CLUH: variants seen among roughly 807,000 people sequenced by gnomAD.
CLUH encodes the protein clustered mitochondria protein homolog.
A neutral mutation model predicts 139.3 loss-of-function variants in CLUH; 77 were observed. That is an observed-to-expected ratio of 0.55 (90% CI 0.46 to 0.67). The LOEUF is 0.67. Ranked by LOEUF, CLUH falls within the 30% of genes least tolerant of loss-of-function variation. The pLI is 0.00. For synonymous variants in CLUH, 999 were observed against 801.6 expected (o/e 1.25, Z -4.16); for missense variants, 1,876 against 1,875.8 (o/e 1.00, Z 0.00).
chr17:2,694,701 C>T, intron 16 of CLUH, 137 bp from the exon 17 acceptor site: 1 of 1,344,450 alleles, frequency 7.4e-7, no homozygotes, highest in Admixed American at 2.4e-5. Flanking sequence ...TCCCGGCTGC[C>T]CTCACCCTCC....
chr17:2,692,557 G>T lies in CLUH; in HGVS notation c.3438+14C>A. 1 of 1,605,006 alleles carries T rather than the reference G, an allele frequency of 6.2e-7. No individual in the cohort carries two copies. On this transcript the variant is annotated intron_variant, in intron 21 of 25. Coordinates refer to ENST00000651024, the MANE Select transcript of CLUH (RefSeq NM_001366661.1). The stretch of plus-strand genomic sequence containing the variant: ...GGAGCTGGGTCCCTGCCGCCCCCCC[G>T]CCCCAGCACTCACGTCCAGCAGCGC...
chr17:2,690,597 T>C lies in CLUH; in HGVS notation c.4044A>G (p.Gly1348=), dbSNP rs1164177674. 2.0e-6 allele frequency: 3 copies of C among 1,478,740 alleles called. No individual in the cohort carries two copies. The highest frequency in any genetic ancestry group is 2.7e-6 in the Non-Finnish European group (3 of 1,117,456). The allele number at this position is 1,478,740 out of a possible 1,614,324, so 91.6% of individuals were successfully genotyped here. Residue 1348 remains glycine (G), a synonymous_variant, in exon 26 of 26, where the codon GGA becomes GGG. Coordinates refer to ENST00000651024, the MANE Select transcript of CLUH (RefSeq NM_001366661.1). ...AAKDPSPSVQ[G] is the part of the protein sequence containing the mutation. ...GGCTGTCCGTCTGGCTCCCTCTCTA[T>C]CCCTGCACGCTCGGAGAAGGGTCCT...
intron 24 of CLUH, 34 bp downstream of exon 24, chr17:2,691,727 C>A: frequency 6.2e-7 from 1 of 1,602,548 alleles, no homozygotes; most frequent in Non-Finnish European, 8.5e-7. Context: ...CCCGCGCTCG[C>A]CGGGCCGGAG....
chr17:2,691,817 G>T lies in CLUH; in HGVS notation c.3733C>A (p.Arg1245Ser). The change falls in exon 24 of 26, where the codon CGC becomes AGC. Residue 1245 changes from arginine to serine, a missense_variant. Physicochemically the swap from Arg to Ser is moderately radical, Grantham distance 110 (BLOSUM62 -1). Around this residue, in one of 3 missense-constraint regions of CLUH, gnomAD observed 1,454 missense variants for 1,384.4 expected, o/e 1.05. Transcript: ENST00000651024. ...TTGCGGTAGATCTCGTTCATGGTGC[G>T]CTGCAGGGCCACGGCCTGCTGGGTC... ...CLTQQAVALQ[R>S]TMNEIYRNGS... 6.3e-7 allele frequency: 1 copy of T among 1,577,410 alleles called. No homozygotes were observed.
chr17:2,697,967 G>T lies in CLUH; in HGVS notation c.1890C>A (p.Gly630=). ...EELPEECARA[G]FPRAHRHKLC... ...GCTTGTGCCGGTGGGCGCGGGGGAA[G>T]CCGGCGCGGGCGCATTCCTCAGGCA... The change falls in exon 10 of 26, where the codon GGC becomes GGA. Residue 630 remains glycine (G), a synonymous_variant. Coordinates refer to ENST00000651024, the MANE Select transcript of CLUH (RefSeq NM_001366661.1). 1 of 1,573,698 alleles carries T rather than the reference G, an allele frequency of 6.4e-7. No individual in the cohort carries two copies. The highest frequency in any genetic ancestry group is 2.3e-5 in the East Asian group (1 of 43,244).
rs941056798 is a variant in CLUH, at chr17:2,702,820, C to A, written c.475+498G>T. Reference sequence around the variant, plus strand: ...TTTTTTTTAGAATCACGGCTCTGTTCTTTTGTTTTGTTTTTTTTTTTGAGA... The same window carrying A: ...TTTTTTTTAGAATCACGGCTCTGTTATTTTGTTTTGTTTTTTTTTTTGAGA... On this transcript the variant is annotated intron_variant, in intron 3 of 25. Transcript: ENST00000651024. Among the ~76,000 whole-genome samples the A allele has an allele frequency of 1.6e-4, 24 of 151,098 alleles. 1 individual carries two copies. The highest frequency in any genetic ancestry group is 4.2e-4 in the South Asian group (2 of 4,774).
In CLUH at chr17:2,696,149, C is replaced by A. The variant is rs1381600435; in HGVS notation, c.2391+10G>T. Reference sequence around the variant, plus strand: ...ACAAGCCCCACCCAGCCCCGCAGCCCCTCCCTCACCAAGCCAGGGATCTGG... The same window carrying A: ...ACAAGCCCCACCCAGCCCCGCAGCCACTCCCTCACCAAGCCAGGGATCTGG... On this transcript the variant is annotated intron_variant, in intron 13 of 25. Transcript: ENST00000651024. 1.3e-6 allele frequency: 2 copies of A among 1,552,490 alleles called. No homozygotes were observed. The highest frequency in any genetic ancestry group is 3.9e-5 in the Admixed American group (2 of 51,404).
At position 2,701,669 on chromosome 17, in the gene CLUH, G is replaced by C. The variant is rs1219561673; in HGVS notation, c.688C>G (p.Pro230Ala). Residue 230 changes from proline to alanine, a missense_variant, in exon 5 of 26, where the codon CCA becomes GCA. Physicochemically the swap from Pro to Ala is conservative, Grantham distance 27 (BLOSUM62 -1). Transcript: ENST00000651024. ...CACAGTGGCCGCTCCCGGCTCCCTG[G>C]CAGGATGTACTCGGGTGGTGTGCAG... ...IDCTPPEYIL[P>A]GSRERPLCPL... 1.2e-6 allele frequency: 2 copies of C among 1,600,436 alleles called. No individual in the cohort carries two copies. Among genetic ancestry groups the C allele is most frequent in the African/African-American group, 2.7e-5 (2 of 74,696 alleles).
In CLUH at chr17:2,692,429, G is replaced by A. The variant is rs769683584; in HGVS notation, c.3492C>T (p.Arg1164=). The A allele has an allele frequency of 1.2e-5, 19 of 1,600,038 alleles. No individual in the cohort carries two copies. The highest frequency in any genetic ancestry group is 1.6e-5 in the Non-Finnish European group (19 of 1,179,416). The change falls in exon 22 of 26, where the codon CGC becomes CGT. Residue 1164 remains arginine (R), a synonymous_variant. Coordinates refer to ENST00000651024, the MANE Select transcript of CLUH (RefSeq NM_001366661.1). ...TGACGGCCAGCGCGTTCTCCAGGAA[G>A]CGCAGCGACAGGTCGTACTCCATCA... ...HGVMEYDLSL[R]FLENALAVST...
At chr17:2,690,851 G>T in intron 25 of CLUH, 74 bp from the exon 26 acceptor site, 1 of 1,240,012 alleles carries the variant, frequency 8.1e-7, no homozygotes, top group Non-Finnish European at 1.1e-6. Flanking sequence ...CGGCTTTCCT[G>T]TGGGATAAGC....
rs71377528 is a variant in CLUH, at chr17:2,693,141, C to CAA, written c.3232-283_3232-282dup. ...AAACCTAAAACTACTAAAAATGTTACAAAAAAAAAAAAAAAGCCTGAGCAG... is the reference window on the plus strand; with the variant it reads ...AAACCTAAAACTACTAAAAATGTTACAAAAAAAAAAAAAAAAAGCCTGAGCAG... On this transcript the variant is annotated intron_variant, in intron 19 of 25. Transcript: ENST00000651024. 2.0e-4 allele frequency among the ~76,000 whole-genome samples: 15 copies of CAA among 73,788 alleles called. 1 individual carries two copies. Among genetic ancestry groups the CAA allele is most frequent in the Admixed American group, 3.7e-4 (2 of 5,444 alleles). 48.4% of individuals were successfully genotyped at this position (73,788 alleles called of 152,430 possible). A position where few individuals can be genotyped will look rare whatever the true frequency, so the allele number is the denominator to read the frequency against.
chr17:2,698,162 G>C lies in CLUH; in HGVS notation c.1695C>G (p.Pro565=). Residue 565 remains proline, a synonymous_variant, in exon 10 of 26, where the codon CCC becomes CCG. Coordinates refer to ENST00000651024, the MANE Select transcript of CLUH (RefSeq NM_001366661.1). ...GCACCTGGTGCCGCAGGATCTTGAG[G>C]GGCCGACTCGTGCGCTCCAGCAGCT... is the stretch of plus-strand genomic sequence containing the variant. ...YLELLERTSR[P]LKILRHQVLN... 6.3e-7 allele frequency: 1 copy of C among 1,576,650 alleles called. No homozygotes were observed. The highest frequency in any genetic ancestry group is 8.6e-7 in the Non-Finnish European group (1 of 1,162,282).
chr17:2,691,032 G>C (rs945318118), intron 25 of CLUH, among the ~76,000 whole-genome samples: 1 of 151,948 alleles, frequency 6.6e-6, no homozygotes, highest in African/African-American at 2.4e-5. Context: ...GGAAAGCGGA[G>C]TTGGGGGGCT....
chr17:2,696,036 A>G (rs2069927453), intron 13 of CLUH, 123 bp downstream of exon 13: 1 of 781,706 alleles, frequency 1.3e-6, no homozygotes, highest in Admixed American at 2.3e-5. Flanking sequence ...GGGGATGCCC[A>G]CTCAGGGAAA....
At chr17:2,702,873 G>T (rs950447820) in intron 3 of CLUH, among the ~76,000 whole-genome samples, 2 of 150,290 alleles carry the variant, frequency 1.3e-5, no homozygotes, top group African/African-American at 4.9e-5. Context: ...TGCCCATGCT[G>T]GAGTGCAGTG....
intron 6 of CLUH, 33 bp downstream of exon 6, chr17:2,701,333 G>A: frequency 1.2e-6 from 2 of 1,605,414 alleles, no homozygotes; most frequent in Non-Finnish European, 1.7e-6. Context: ...GGCTGGCACG[G>A]CAGGGGGGTG....
intron 22 of CLUH, 31 bp downstream of exon 22, chr17:2,692,330 G>A (rs1336161708): frequency 6.6e-7 from 1 of 1,518,668 alleles, no homozygotes. Context: ...GGCCTCCGCC[G>A]GCCTTGGCGT....
intron 15 of CLUH, 46 bp from the exon 16 acceptor site, chr17:2,695,147 C>T: frequency 6.2e-7 from 1 of 1,613,446 alleles, no homozygotes; most frequent in Non-Finnish European, 8.5e-7. Flanking sequence ...TCAGCCCCAC[C>T]TCAGGCTCTT....
chr17:2,707,902 G>A lies in CLUH; in HGVS notation c.101-3338C>T, dbSNP rs2070394957. The A allele has an allele frequency of 1.0e-6, 1 of 985,282 alleles. No homozygotes were observed. 61.0% of individuals were successfully genotyped at this position (985,282 alleles called of 1,614,324 possible). On this transcript the variant is annotated intron_variant, in intron 1 of 25. Coordinates refer to ENST00000651024, the MANE Select transcript of CLUH (RefSeq NM_001366661.1). This position sits in a 1 kb window ranked among gnomAD's most constrained non-coding sequence, Gnocchi z 7.4. ...GTTCTGGTGGAAGGGAGGGGGATGG[G>A]CCCCCAGCTTCCCAGAGGACAACTG... is the stretch of plus-strand genomic sequence containing the variant.
Sources: gnomAD v4.1 joint callset for allele counts (sites outside exome capture counted in the v4.1 genomes callset) on GRCh38, gnomAD v4.1.1 for gene constraint, gnomAD v4.1.1 regional missense constraint, Gnocchi (gnomAD v3.1) non-coding constraint, MANE v1.5 for transcripts, NCBI Gene and HGNC (gene_info 2026-07-23, HGNC 2026-07-21) for gene names.